LINGO2: variants seen among roughly 807,000 people sequenced by gnomAD.
LINGO2 encodes leucine rich repeat and Ig domain containing 2.
A neutral mutation model predicts 30.6 loss-of-function variants in LINGO2; 14 were observed. The observed-to-expected ratio is 0.46, with a 90% CI of 0.30 to 0.72. The LOEUF (loss-of-function observed/expected upper bound fraction) is 0.72, where lower values mean the gene tolerates loss of function less well. Ranked by LOEUF, LINGO2 falls within the 30% of genes least tolerant of loss-of-function variation. The pLI, the probability that LINGO2 is intolerant of heterozygous loss-of-function variation, is 0.07. For synonymous variants in LINGO2, 317 were observed against 288.5 expected, an observed-to-expected ratio of 1.10 and a Z score of -1.00; for missense variants, 729 against 751.7, an observed-to-expected ratio of 0.97 and a Z score of 0.35.
At chr9:29,017,223 A>G in the LINGO2 span, among the ~76,000 whole-genome samples, 1 of 152,112 alleles carries the variant, frequency 6.6e-6, no homozygotes, top group African/African-American at 2.4e-5. Context: ...AAATAATTGA[A>G]AAATACAAAT....
the LINGO2 span, among the ~76,000 whole-genome samples, chr9:28,742,648 T>A: frequency 6.6e-6 from 1 of 151,978 alleles, no homozygotes; most frequent in Admixed American, 6.6e-5. Context: ...CAATTCGTAC[T>A]TTTTATTATA....
chr9:28,888,678 C>G, the LINGO2 span, among the ~76,000 whole-genome samples: 3 of 152,232 alleles, frequency 2.0e-5, no homozygotes, highest in Middle Eastern at 0.01. Context: ...TGGTGGGATT[C>G]AACACCTCAA....
At chr9:28,263,366 A>G (rs575472822) in intron 4 of LINGO2, among the ~76,000 whole-genome samples, 13 of 152,118 alleles carry the variant, frequency 8.5e-5, no homozygotes, top group African/African-American at 3.1e-4. Context: ...CTCTTTCCAC[A>G]CCACATAACA....
At chr9:28,354,878 T>C (rs1418744826) in intron 3 of LINGO2, among the ~76,000 whole-genome samples, 2 of 152,118 alleles carry the variant, frequency 1.3e-5, no homozygotes, top group Non-Finnish European at 2.9e-5. Context: ...TAAAACCTAG[T>C]GATATCATAT....
chr9:29,010,667 C>G, the LINGO2 span, among the ~76,000 whole-genome samples: 1 of 152,062 alleles, frequency 6.6e-6, no homozygotes, highest in African/African-American at 2.4e-5. Flanking sequence ...GAATCTAAAA[C>G]TACTACTCAA....
chr9:28,923,060 A>T, the LINGO2 span, among the ~76,000 whole-genome samples: 1 of 152,214 alleles, frequency 6.6e-6, no homozygotes, highest in African/African-American at 2.4e-5. Context: ...GGAATGAAAG[A>T]AATGCGGCAC....
the LINGO2 span, among the ~76,000 whole-genome samples, chr9:29,040,533 A>G: frequency 6.6e-6 from 1 of 151,674 alleles, no homozygotes; most frequent in African/African-American, 2.4e-5. Context: ...TCTTCAAGGT[A>G]TGATAGTTGT....
rs554852251 is a variant in LINGO2, at chr9:28,491,636, T to C, written c.-364-15611A>G. ...ATAAAATTAAACCTAATTAAACATT[T>C]AAAATCAAATGGAAACCTGTGCCTT... is the stretch of plus-strand genomic sequence containing the variant. On this transcript the variant is annotated intron_variant, in intron 1 of 5. Coordinates refer to ENST00000379992, the Ensembl canonical transcript of LINGO2. 1.1e-4 allele frequency among the ~76,000 whole-genome samples: 17 copies of C among 152,346 alleles called. No homozygotes were observed. The South Asian group carries it at 2.1e-3, about 19-fold the overall frequency.
intron 5 of LINGO2, among the ~76,000 whole-genome samples, chr9:27,956,603 G>T (rs976029185): frequency 6.6e-6 from 1 of 151,784 alleles, no homozygotes; most frequent in Non-Finnish European, 1.5e-5. Flanking sequence ...CTATTTAAGA[G>T]CCCCTAGAGC....
chr9:28,470,026 T>A (rs1413391447), intron 2 of LINGO2, among the ~76,000 whole-genome samples: 4 of 152,164 alleles, frequency 2.6e-5, no homozygotes, highest in Non-Finnish European at 5.9e-5. Context: ...CATAAAGGAA[T>A]ACCCTTTATG....
the LINGO2 span, among the ~76,000 whole-genome samples, chr9:29,178,865 A>G: frequency 6.6e-6 from 1 of 152,008 alleles, no homozygotes; most frequent in Non-Finnish European, 1.5e-5. Flanking sequence ...ATGAGTGCCT[A>G]TAATCCAAGC....
intron 3 of LINGO2, among the ~76,000 whole-genome samples, chr9:28,296,459 A>G (rs139208967): frequency 1.3e-5 from 2 of 152,284 alleles, no homozygotes; most frequent in East Asian, 3.9e-4. Flanking sequence ...CTACGTTCTG[A>G]AGATTCATGG....
intron 4 of LINGO2, among the ~76,000 whole-genome samples, chr9:28,237,012 A>G (rs1318368797): frequency 6.6e-6 from 1 of 151,486 alleles, no homozygotes; most frequent in Non-Finnish European, 1.5e-5. Flanking sequence ...ATATTTATAT[A>G]CAAGTACTAT....
chr9:28,283,099 G>A (rs1355876073), intron 4 of LINGO2, among the ~76,000 whole-genome samples: 6 of 152,124 alleles, frequency 3.9e-5, no homozygotes, highest in South Asian at 4.1e-4. Context: ...CAGAACACAC[G>A]CTAGAAAACA....
At chr9:28,035,951 A>G (rs984746367) in intron 4 of LINGO2, among the ~76,000 whole-genome samples, 5 of 152,156 alleles carry the variant, frequency 3.3e-5, no homozygotes, top group Admixed American at 1.3e-4. Flanking sequence ...CAGGCAGTTG[A>G]CATGATGTGG....
At chr9:28,052,156 C>T (rs185061029) in intron 4 of LINGO2, among the ~76,000 whole-genome samples, 5 of 152,172 alleles carry the variant, frequency 3.3e-5, no homozygotes, top group Admixed American at 3.3e-4. Flanking sequence ...CATAGTTCCT[C>T]TGTAGTGAAT....
At chr9:28,143,281 A>T (rs1251063154) in intron 4 of LINGO2, among the ~76,000 whole-genome samples, 1 of 152,200 alleles carries the variant, frequency 6.6e-6, no homozygotes, top group Non-Finnish European at 1.5e-5. Context: ...ATAGTCCTGG[A>T]GAGTCAAAGA....
intron 1 of LINGO2, among the ~76,000 whole-genome samples, chr9:28,537,653 C>A (rs1821493829): frequency 6.6e-6 from 1 of 151,594 alleles, no homozygotes; most frequent in Non-Finnish European, 1.5e-5. Flanking sequence ...AGGAAAGTAT[C>A]CAGAATTAAA....
At chr9:29,125,998 G>A in the LINGO2 span, among the ~76,000 whole-genome samples, 1 of 151,906 alleles carries the variant, frequency 6.6e-6, no homozygotes, top group African/African-American at 2.4e-5. Flanking sequence ...TATTTAAATG[G>A]TAAAAACCAA....
Sources: gnomAD v4.1 joint callset for allele counts (sites outside exome capture counted in the v4.1 genomes callset) on GRCh38, gnomAD v4.1.1 for gene constraint, MANE v1.5 for transcripts, NCBI Gene and HGNC (gene_info 2026-07-23, HGNC 2026-07-21) for gene names.